The following MYRIP variants were observed in gnomAD, a reference collection of about 807,000 sequenced individuals.
The protein encoded by MYRIP is rab effector MyRIP.
A neutral mutation model predicts 98.0 loss-of-function variants in MYRIP; 49 were observed. The ratio of observed to expected loss-of-function variants is 0.50; its 90% CI spans 0.40 to 0.63. The LOEUF (loss-of-function observed/expected upper bound fraction) is 0.63, where lower values mean the gene tolerates loss of function less well. MYRIP is among the 30% of genes least tolerant of loss of function. MYRIP has a pLI of 0.00. For synonymous variants in MYRIP, 404 were observed against 409.5 expected (o/e 0.99, Z 0.16); for missense variants, 1,004 against 1,058.2 (o/e 0.95, Z 0.71).
intron 2 of MYRIP, among the ~76,000 whole-genome samples, chr3:39,957,388 A>C (rs1945195603): frequency 6.7e-6 from 1 of 149,134 alleles, no homozygotes; most frequent in Admixed American, 6.6e-5. Context: ...GCAAATCAAT[A>C]AACGTAATCC....
chr3:40,102,483 T>C (rs1948964085), intron 3 of MYRIP, among the ~76,000 whole-genome samples: 1 of 152,132 alleles, frequency 6.6e-6, no homozygotes, highest in African/African-American at 2.4e-5. Flanking sequence ...CCATAGGAGT[T>C]TTGACTTTTG....
chr3:40,050,863 C>T (rs901542634), intron 3 of MYRIP, among the ~76,000 whole-genome samples: 21 of 152,156 alleles, frequency 1.4e-4, no homozygotes, highest in African/African-American at 5.1e-4. Context: ...GAGGAAGTAA[C>T]TGCAGATGTG....
At chr3:40,194,321 G>A (rs551068076) in intron 10 of MYRIP, among the ~76,000 whole-genome samples, 5 of 152,032 alleles carry the variant, frequency 3.3e-5, no homozygotes, top group African/African-American at 7.2e-5. Context: ...TCATTTATCC[G>A]CTGGTTTCAG....
intron 13 of MYRIP, 30 bp downstream of exon 13, chr3:40,244,637 T>C: frequency 1.3e-6 from 2 of 1,571,868 alleles, no homozygotes; most frequent in Non-Finnish European, 1.7e-6. Flanking sequence ...CCCACATGGG[T>C]CCTGCAGGGT....
intron 1 of MYRIP, among the ~76,000 whole-genome samples, chr3:39,887,807 G>C (rs531644225): frequency 1.1e-4 from 17 of 152,258 alleles, no homozygotes; most frequent in Admixed American, 1.0e-3. Flanking sequence ...ATCTCCTTAA[G>C]CTGATAAACA....
At chr3:39,959,677 A>G (rs1215975117) in intron 2 of MYRIP, among the ~76,000 whole-genome samples, 2 of 151,506 alleles carry the variant, frequency 1.3e-5, no homozygotes, top group Non-Finnish European at 2.9e-5. Flanking sequence ...TATACTTTAA[A>G]AAAAAAAAAG....
chr3:39,929,767 C>CT (rs994286896), intron 2 of MYRIP, among the ~76,000 whole-genome samples: 1 of 151,656 alleles, frequency 6.6e-6, no homozygotes, highest in African/African-American at 2.4e-5. Context: ...CATTAATATA[C>CT]TTTTTTTTGC....
intron 3 of MYRIP, chr3:40,071,049 G>C: frequency 5.2e-6 from 4 of 774,646 alleles, no homozygotes; most frequent in Non-Finnish European, 6.3e-6. Flanking sequence ...CAAAGCCAAA[G>C]CAAGATGCAT....
intron 2 of MYRIP, among the ~76,000 whole-genome samples, chr3:39,912,898 G>T (rs1944057702): frequency 6.6e-6 from 1 of 152,164 alleles, no homozygotes; most frequent in African/African-American, 2.4e-5. Flanking sequence ...AAATTAACTA[G>T]GTGTGGTGGC....
At chr3:39,930,673 C>A (rs1944519214) in intron 2 of MYRIP, among the ~76,000 whole-genome samples, 1 of 151,920 alleles carries the variant, frequency 6.6e-6, no homozygotes, top group Non-Finnish European at 1.5e-5. Context: ...AAATTGAGGT[C>A]TTTGGTCCAT....
At chr3:39,892,603 T>C (rs912971560) in intron 1 of MYRIP, among the ~76,000 whole-genome samples, 1 of 152,236 alleles carries the variant, frequency 6.6e-6, no homozygotes, top group Admixed American at 6.5e-5. Context: ...AATTTTTTTC[T>C]ATTAAGTTAA....
intron 1 of MYRIP, among the ~76,000 whole-genome samples, chr3:39,851,192 C>T (rs1942120245): frequency 6.6e-6 from 1 of 151,972 alleles, no homozygotes; most frequent in Non-Finnish European, 1.5e-5. Context: ...ATTTAGTTGC[C>T]AATAATCTAT....
chr3:40,246,751 A>C (rs1575678259), intron 13 of MYRIP, among the ~76,000 whole-genome samples: 1 of 152,272 alleles, frequency 6.6e-6, no homozygotes, highest in South Asian at 2.1e-4. Flanking sequence ...TTTCACAGAG[A>C]CAATGACACT....
chr3:40,130,543 A>G (rs535578847), intron 3 of MYRIP, among the ~76,000 whole-genome samples: 4 of 151,408 alleles, frequency 2.6e-5, no homozygotes, highest in Admixed American at 1.3e-4. Flanking sequence ...ACGCCCGGCT[A>G]ATTTTTTTTT....
At chr3:40,085,292 G>A (rs984440663) in intron 3 of MYRIP, among the ~76,000 whole-genome samples, 7 of 151,746 alleles carry the variant, frequency 4.6e-5, no homozygotes, top group African/African-American at 1.7e-4. Flanking sequence ...CATATATTTC[G>A]TTTTCTTTTT....
At chr3:40,140,237 CA>C (rs2125560401) in intron 3 of MYRIP, among the ~76,000 whole-genome samples, 1 of 152,236 alleles carries the variant, frequency 6.6e-6, no homozygotes, top group East Asian at 1.9e-4. Context: ...AAGGATTCAC[CA>C]AACTGTTTTT....
At chr3:39,947,156 C>T (rs1314727879) in intron 2 of MYRIP, among the ~76,000 whole-genome samples, 1 of 151,948 alleles carries the variant, frequency 6.6e-6, no homozygotes, top group Non-Finnish European at 1.5e-5. Flanking sequence ...AACAGTGCAA[C>T]AGGTCAAACA....
chr3:40,204,199 A>ATAC (rs1951726405), intron 10 of MYRIP, among the ~76,000 whole-genome samples: 1 of 33,112 alleles, frequency 3.0e-5, no homozygotes, highest in Non-Finnish European at 5.8e-5. Flanking sequence ...TAAATATTAT[A>ATAC]TTATATATTT....
At chr3:40,205,143 T>C (rs541834418) in intron 10 of MYRIP, among the ~76,000 whole-genome samples, 2 of 152,284 alleles carry the variant, frequency 1.3e-5, no homozygotes, top group African/African-American at 2.4e-5. Context: ...CTGATTCTGC[T>C]GCCCCATATC....
Sources: gnomAD v4.1 joint callset for allele counts (sites outside exome capture counted in the v4.1 genomes callset) on GRCh38, gnomAD v4.1.1 for gene constraint, MANE v1.5 for transcripts, NCBI Gene and HGNC (gene_info 2026-07-23, HGNC 2026-07-21) for gene names.